MYCBP2: variants seen among roughly 807,000 people sequenced by gnomAD.
The protein encoded by MYCBP2 is E3 ubiquitin-protein ligase MYCBP2.
A neutral mutation model predicts 525.3 loss-of-function variants in MYCBP2; 120 were observed. The observed-to-expected ratio is 0.23, with a 90% CI of 0.20 to 0.27. MYCBP2 has a LOEUF of 0.27. Ranked by LOEUF, MYCBP2 falls within the 10% of genes least tolerant of loss-of-function variation. The pLI is 1.00. For missense variants in MYCBP2, 4,149 were observed against 5,657.1 expected (o/e 0.73, Z 8.55); for synonymous variants, 1,894 against 1,955.8 (o/e 0.97, Z 0.83).
Position 77,093,472 on chromosome 13 carries a change from T to C in MYCBP2, c.10200-140A>G, listed in dbSNP as rs920761915. 30 of 671,068 alleles carry C rather than the reference T, an allele frequency of 4.5e-5. 1 individual carries two copies. The Admixed American group carries it at 6.5e-4, about 15-fold the overall frequency. 41.6% of individuals were successfully genotyped at this position (671,068 alleles called of 1,614,324 possible). On this transcript the variant is annotated intron_variant, in intron 58 of 82. Coordinates refer to ENST00000544440, the MANE Select transcript of MYCBP2 (RefSeq NM_015057.5). ...GCATTAAAATAATCGTAGATGTAGG[T>C]AGGTGAAAATAAAAGTCTGATAATT...
chr13:77,147,841 A>G (rs1163884631), intron 47 of MYCBP2, among the ~76,000 whole-genome samples: 1 of 152,108 alleles, frequency 6.6e-6, no homozygotes, highest in Non-Finnish European at 1.5e-5. Flanking sequence ...CTGAGTGAAT[A>G]CATAGTATCT....
rs148009867 is a variant in MYCBP2 at position 77,206,820 on chromosome 13, C to T, written c.3422G>A (p.Arg1141Gln). The change falls in exon 24 of 83, where the codon CGA (arginine) becomes CAA (glutamine). Residue 1141 changes from arginine to glutamine, a missense_variant. Physicochemically the swap from Arg to Gln is conservative, Grantham distance 43 (BLOSUM62 1). This residue lies in a region of MYCBP2 where 620 missense variants were observed against 795.5 expected (regional missense o/e 0.78). Coordinates refer to ENST00000544440, the MANE Select transcript of MYCBP2 (RefSeq NM_015057.5). ...DPVYDVIWRF[R>Q]PNTRELWCYN... is the part of the protein sequence containing the mutation. Reference sequence around the variant, plus strand: ...ACACCACAGCTCTCTAGTATTTGGTCGAAACCTTTAAAGAAAAAGAATAAT... The same window carrying T: ...ACACCACAGCTCTCTAGTATTTGGTTGAAACCTTTAAAGAAAAAGAATAAT... 18 of 1,584,416 alleles carry T rather than the reference C, an allele frequency of 1.1e-5. No individual in the cohort carries two copies. The highest frequency in any genetic ancestry group is 5.6e-5 in the Admixed American group (3 of 53,946).
chr13:77,130,379 G>T (rs1254178241), intron 52 of MYCBP2, among the ~76,000 whole-genome samples: 1 of 150,622 alleles, frequency 6.6e-6, no homozygotes, highest in Non-Finnish European at 1.5e-5. Flanking sequence ...TTTATTTACT[G>T]TTTTCTAGTT....
At chr13:77,245,486 C>T (rs978629004) in intron 15 of MYCBP2, among the ~76,000 whole-genome samples, 2 of 151,920 alleles carry the variant, frequency 1.3e-5, no homozygotes. Context: ...AACCATCATT[C>T]TCAGCAAACT....
chr13:77,195,609 A>G (rs1258293191), intron 26 of MYCBP2, among the ~76,000 whole-genome samples: 3 of 152,116 alleles, frequency 2.0e-5, no homozygotes, highest in Non-Finnish European at 4.4e-5. Context: ...AATAGTCCGA[A>G]ATAATCATTT....
chr13:77,259,570 C>T (rs1390504076), intron 13 of MYCBP2, among the ~76,000 whole-genome samples: 1 of 152,166 alleles, frequency 6.6e-6, no homozygotes, highest in African/African-American at 2.4e-5. Flanking sequence ...ATAGCTGCAG[C>T]CAATTGAGAA....
intron 56 of MYCBP2, among the ~76,000 whole-genome samples, chr13:77,097,064 T>C (rs73239463): frequency 0.02 from 3,055 of 152,302 alleles, 56 homozygotes; most frequent in Middle Eastern, 0.075. Context: ...GCCCTGTGTG[T>C]ATGGGCATGC....
intron 21 of MYCBP2, among the ~76,000 whole-genome samples, chr13:77,216,116 A>G (rs896294231): frequency 1.3e-5 from 2 of 152,198 alleles, no homozygotes; most frequent in African/African-American, 4.8e-5. Context: ...AGCACTCCAA[A>G]AAATGAAGGG....
Position 77,098,445 on chromosome 13 carries a change from T to A in MYCBP2, c.8709A>T (p.Ser2903=), listed in dbSNP as rs2046558590. The part of the protein sequence containing the change: ...RGRSTSPKPK[S]VPKDSTDSPG... Reference sequence around the variant, plus strand: ...GGGAATCTGTAGAATCCTTTGGTACTGATTTTGGTTTTGGTGACGTTGACC... The same window carrying A: ...GGGAATCTGTAGAATCCTTTGGTACAGATTTTGGTTTTGGTGACGTTGACC... Residue 2903 remains serine, a synonymous_variant, in exon 56 of 83, where the codon TCA becomes TCT. Coordinates refer to ENST00000544440, the MANE Select transcript of MYCBP2 (RefSeq NM_015057.5). 1.9e-6 allele frequency: 3 copies of A among 1,613,720 alleles called. No individual in the cohort carries two copies. The East Asian group carries it at 6.7e-5, about 36-fold the overall frequency.
At chr13:77,182,539 TCCA>T (rs1350542448) in intron 32 of MYCBP2, among the ~76,000 whole-genome samples, 3 of 152,192 alleles carry the variant, frequency 2.0e-5, no homozygotes, top group South Asian at 4.1e-4. Context: ...AGAGTAACAT[TCCA>T]TATGTTAAAC....
At chr13:77,262,251 A>T in intron 10 of MYCBP2, 122 bp from the exon 11 acceptor site, 2 of 726,850 alleles carry the variant, frequency 2.8e-6, no homozygotes, top group Non-Finnish European at 4.3e-6. Context: ...GGATGACAAA[A>T]TGTCATGTGC....
chr13:77,312,867 G>C (rs1343913285), intron 1 of MYCBP2, among the ~76,000 whole-genome samples: 1 of 151,750 alleles, frequency 6.6e-6, no homozygotes, highest in Non-Finnish European at 1.5e-5. Context: ...CCTAAGAGGA[G>C]AAACTTTAAA....
chr13:77,268,993 T>C (rs994411143), intron 7 of MYCBP2, among the ~76,000 whole-genome samples: 1 of 152,218 alleles, frequency 6.6e-6, no homozygotes, highest in Non-Finnish European at 1.5e-5. Flanking sequence ...TGGGCTTCAC[T>C]GTTCAGGTAG....
intron 68 of MYCBP2, among the ~76,000 whole-genome samples, chr13:77,073,331 A>G (rs963264107): frequency 2.2e-4 from 34 of 152,192 alleles, no homozygotes; most frequent in Non-Finnish European, 4.6e-4. Flanking sequence ...TCTCTTAAAA[A>G]AGAATCCATT....
chr13:77,127,632 A>G (rs911266506), intron 52 of MYCBP2, among the ~76,000 whole-genome samples: 2 of 151,958 alleles, frequency 1.3e-5, no homozygotes, highest in Non-Finnish European at 1.5e-5. Flanking sequence ...AAATAGAATA[A>G]AAATTTAACA....
chr13:77,167,025 A>ACC lies in MYCBP2; in HGVS notation c.6115-473_6115-472dup, dbSNP rs66928059. 5.1e-3 allele frequency among the ~76,000 whole-genome samples: 580 copies of ACC among 113,056 alleles called. 15 individuals are homozygous for ACC. Among genetic ancestry groups the ACC allele is most frequent in the African/African-American group, 0.022 (548 of 25,152 alleles). 74.2% of individuals were successfully genotyped at this position (113,056 alleles called of 152,430 possible). On this transcript the variant is annotated intron_variant, in intron 40 of 82. Coordinates refer to ENST00000544440, the MANE Select transcript of MYCBP2 (RefSeq NM_015057.5). ...CACACACACACACACACACACACAC[A>ACC]CCAAATGAAATAATTTAATGATTTT...
At chr13:77,270,892 C>G (rs1293182246) in intron 5 of MYCBP2, among the ~76,000 whole-genome samples, 2 of 152,010 alleles carry the variant, frequency 1.3e-5, no homozygotes, top group African/African-American at 2.4e-5. Flanking sequence ...CCATATTTCT[C>G]TCCTTGTCTC....
At chr13:77,272,741 A>G (rs1412970929) in intron 5 of MYCBP2, among the ~76,000 whole-genome samples, 1 of 152,180 alleles carries the variant, frequency 6.6e-6, no homozygotes, top group Non-Finnish European at 1.5e-5. Context: ...AAATCACTGA[A>G]TAAGACAGAA....
At chr13:77,077,080 T>C (rs967965598) in intron 67 of MYCBP2, 68 bp downstream of exon 67, 6 of 1,539,870 alleles carry the variant, frequency 3.9e-6, no homozygotes, top group Non-Finnish European at 5.2e-6. Context: ...TCACAAAATA[T>C]TTTGTTACAC....
Sources: gnomAD v4.1 joint callset for allele counts (sites outside exome capture counted in the v4.1 genomes callset) on GRCh38, gnomAD v4.1.1 for gene constraint, gnomAD v4.1.1 regional missense constraint, MANE v1.5 for transcripts, NCBI Gene and HGNC (gene_info 2026-07-23, HGNC 2026-07-21) for gene names.